Variants in METTL25 observed in about 807,000 individuals in gnomAD.
METTL25 encodes the protein probable methyltransferase-like protein 25.
A neutral mutation model predicts 71.6 loss-of-function variants in METTL25; 64 were observed. The ratio of observed to expected loss-of-function variants is 0.89; its 90% CI spans 0.73 to 1.10. METTL25 has a LOEUF of 1.10. Ranked by LOEUF, METTL25 falls within the 50% of genes least tolerant of loss-of-function variation. The pLI is 0.00. For synonymous variants in METTL25, 287 were observed against 250.3 expected (o/e 1.15, Z -1.38); for missense variants, 807 against 707.0 (o/e 1.14, Z -1.60).
chr12:82,400,119 T>G (rs558786861), intron 4 of METTL25, among the ~76,000 whole-genome samples: 8 of 152,034 alleles, frequency 5.3e-5, no homozygotes, highest in African/African-American at 1.9e-4. Flanking sequence ...GTCAGGAGAT[T>G]GAGACCATCC....
At chr12:82,446,207 A>T (rs1007336417) in intron 8 of METTL25, among the ~76,000 whole-genome samples, 10 of 152,208 alleles carry the variant, frequency 6.6e-5, no homozygotes, top group Admixed American at 5.9e-4. Flanking sequence ...GGAGAGATAG[A>T]TTGCAATACA....
chr12:82,446,869 G>A (rs949980567), intron 8 of METTL25, among the ~76,000 whole-genome samples: 8 of 151,420 alleles, frequency 5.3e-5, no homozygotes, highest in African/African-American at 1.2e-4. Flanking sequence ...TGCCTGCCTC[G>A]GTCTCCCAAA....
Position 82,479,200 on chromosome 12 carries a change from A to C in METTL25, c.*176A>C. On this transcript the variant is annotated 3_prime_UTR_variant, in exon 12 of 12. Transcript: ENST00000248306. Reference sequence around the variant, plus strand: ...TAATCCATTTTTCCATTGTCAAAGCATACATTAATAAAAGAAGAACCTGTC... The same window carrying C: ...TAATCCATTTTTCCATTGTCAAAGCCTACATTAATAAAAGAAGAACCTGTC... The C allele has an allele frequency of 3.9e-6, 2 of 506,476 alleles. No homozygotes were observed. Among genetic ancestry groups the C allele is most frequent in the East Asian group, 3.0e-5 (1 of 33,406 alleles). 31.4% of individuals were successfully genotyped at this position (506,476 alleles called of 1,614,324 possible). A position where few individuals can be genotyped will look rare whatever the true frequency, so the allele number is the denominator to read the frequency against.
At chr12:82,405,083 C>T (rs1437100139) in intron 5 of METTL25, among the ~76,000 whole-genome samples, 1 of 152,214 alleles carries the variant, frequency 6.6e-6, no homozygotes, top group Non-Finnish European at 1.5e-5. Flanking sequence ...GCCTCCCTCT[C>T]CTCTTCACGC....
intron 11 of METTL25, 28 bp downstream of exon 11, chr12:82,477,380 A>C (rs777874954): frequency 9.4e-5 from 115 of 1,224,676 alleles, no homozygotes; most frequent in Non-Finnish European, 1.3e-4. Context: ...AAAATACACA[A>C]CAAATATCTT....
At chr12:82,410,327 T>C (rs1043866344) in intron 5 of METTL25, among the ~76,000 whole-genome samples, 2 of 152,140 alleles carry the variant, frequency 1.3e-5, no homozygotes, top group Non-Finnish European at 2.9e-5. Flanking sequence ...AATCCTATCA[T>C]TGAAACAATG....
intron 1 of METTL25, among the ~76,000 whole-genome samples, chr12:82,379,591 G>A (rs373992266): frequency 3.0e-4 from 46 of 152,272 alleles, no homozygotes; most frequent in African/African-American, 1.1e-3. Context: ...AAGCAAACTT[G>A]AAACTTTATT....
intron 1 of METTL25, among the ~76,000 whole-genome samples, chr12:82,375,440 A>AG (rs746557601): frequency 1.5e-4 from 3 of 19,920 alleles, no homozygotes; most frequent in East Asian, 0.042. Context: ...TAGAGCTGTG[A>AG]GGAAAAAAAA....
At chr12:82,385,884 A>G (rs912449377) in intron 1 of METTL25, among the ~76,000 whole-genome samples, 7 of 152,184 alleles carry the variant, frequency 4.6e-5, no homozygotes, top group Non-Finnish European at 1.0e-4. Flanking sequence ...AAAAAAGAGT[A>G]CTGAATCTTC....
chr12:82,377,350 G>A (rs1162389405), intron 1 of METTL25, among the ~76,000 whole-genome samples: 2 of 152,152 alleles, frequency 1.3e-5, no homozygotes, highest in East Asian at 1.9e-4. Flanking sequence ...CCTGCATCAT[G>A]CAAATTTATT....
chr12:82,447,565 G>A (rs1219721080), intron 8 of METTL25, among the ~76,000 whole-genome samples: 5 of 152,004 alleles, frequency 3.3e-5, no homozygotes, highest in African/African-American at 1.2e-4. Flanking sequence ...TAAATATGTG[G>A]TAAACAAGCA....
In METTL25 at chr12:82,366,937, G is replaced by A. The variant is rs1314890576; in HGVS notation, c.259+8113G>A. 2.6e-5 allele frequency among the ~76,000 whole-genome samples: 4 copies of A among 152,258 alleles called. No individual in the cohort carries two copies. In the East Asian group the frequency reaches 7.7e-4, roughly 29 times the overall value. ...TTAGCCCCATTCCAGGGGAACTTCT[G>A]TAATCATAAGTAAGAGAGAGCTGCA... is the stretch of plus-strand genomic sequence containing the variant. On this transcript the variant is annotated intron_variant, in intron 1 of 11. Coordinates refer to ENST00000248306, the MANE Select transcript of METTL25 (RefSeq NM_032230.3).
At chr12:82,417,279 A>G (rs1240228050) in intron 5 of METTL25, among the ~76,000 whole-genome samples, 1 of 152,172 alleles carries the variant, frequency 6.6e-6, no homozygotes, top group East Asian at 1.9e-4. Context: ...GTTTCAAAGC[A>G]TTATAAAAGT....
rs1885420894 is a variant in METTL25 at position 82,389,939 on chromosome 12, A to G, written c.531+17A>G. 7.1e-7 allele frequency: 1 copy of G among 1,399,260 alleles called. No individual in the cohort carries two copies. The highest frequency in any genetic ancestry group is 1.0e-6 in the Non-Finnish European group (1 of 990,688). The allele number at this position is 1,399,260 out of a possible 1,614,324, so 86.7% of individuals were successfully genotyped here. On this transcript the variant is annotated intron_variant, in intron 3 of 11. Transcript: ENST00000248306. Reference sequence around the variant, plus strand: ...ATAAAGCAGGTAAGAGTATTTCCGTATGTTTTTAGGTGTTAAAATTATTGC... The same window carrying G: ...ATAAAGCAGGTAAGAGTATTTCCGTGTGTTTTTAGGTGTTAAAATTATTGC...
chr12:82,463,757 T>C (rs1892048709), intron 9 of METTL25, among the ~76,000 whole-genome samples: 1 of 151,918 alleles, frequency 6.6e-6, no homozygotes, highest in African/African-American at 2.4e-5. Context: ...TTATTTTTTA[T>C]CTTTTTTCAT....
At chr12:82,446,712 A>T (rs1890775279) in intron 8 of METTL25, among the ~76,000 whole-genome samples, 1 of 147,656 alleles carries the variant, frequency 6.8e-6, no homozygotes, top group Admixed American at 6.9e-5. Context: ...CGCTTCACGG[A>T]TTCAAGCTAT....
At chr12:82,393,423 A>G (rs1333522036) in intron 3 of METTL25, among the ~76,000 whole-genome samples, 1 of 151,442 alleles carries the variant, frequency 6.6e-6, no homozygotes, top group Admixed American at 6.6e-5. Flanking sequence ...TCCTTTTGAG[A>G]TTTTTCTCTG....
chr12:82,379,205 T>TGG (rs1884184732), intron 1 of METTL25, among the ~76,000 whole-genome samples: 1 of 152,150 alleles, frequency 6.6e-6, no homozygotes, highest in African/African-American at 2.4e-5. Context: ...TGTGGGGCAG[T>TGG]GGAGCCTACA....
At chr12:82,379,401 T>G (rs1022663584) in intron 1 of METTL25, among the ~76,000 whole-genome samples, 1 of 152,240 alleles carries the variant, frequency 6.6e-6, no homozygotes, top group South Asian at 2.1e-4. Context: ...AAATTATATT[T>G]GATTTATCAA....
Sources: gnomAD v4.1 joint callset for allele counts (sites outside exome capture counted in the v4.1 genomes callset) on GRCh38, gnomAD v4.1.1 for gene constraint, MANE v1.5 for transcripts, NCBI Gene and HGNC (gene_info 2026-07-23, HGNC 2026-07-21) for gene names.